Variants in ALG5 observed in about 807,000 individuals in gnomAD.
The protein encoded by ALG5 is dolichyl-phosphate beta-glucosyltransferase.
In ALG5, 26 loss-of-function variants were observed where a neutral mutation model predicts 51.8. That is an observed-to-expected ratio of 0.50 (90% CI 0.37 to 0.70). The LOEUF (loss-of-function observed/expected upper bound fraction) is 0.70, where lower values mean the gene tolerates loss of function less well. Among genes scored for constraint, ALG5 ranks in the 30% least tolerant of loss-of-function variants. The pLI, the probability that ALG5 is intolerant of heterozygous loss-of-function variation, is 0.00. For synonymous variants in ALG5, 141 were observed against 136.1 expected (o/e 1.04, Z -0.25); for missense variants, 311 against 399.3 (o/e 0.78, Z 1.88).
intron 8 of ALG5, among the ~76,000 whole-genome samples, chr13:36,955,909 A>T (rs181753149): frequency 3.3e-5 from 5 of 150,878 alleles, no homozygotes; most frequent in African/African-American, 1.2e-4. Flanking sequence ...AGAAGAAAAC[A>T]TATGGAAAAA....
chr13:36,971,784 C>T (rs2058925004), intron 7 of ALG5, among the ~76,000 whole-genome samples, 193 bp downstream of exon 7: 1 of 147,940 alleles, frequency 6.8e-6, no homozygotes, highest in Non-Finnish European at 1.5e-5. Context: ...CTTGTATATG[C>T]TTAAAAAAAA....
rs769762711 is a variant in ALG5, at chr13:36,950,007, G to T, written c.910C>A (p.Leu304Ile). ...WSWLQMGKDL[L>I]FIRLRYLTGA... ...GTCAAATATCGAAGTCGTATAAAAAGTAGGTCTTTACCCATTTGTAGCCAG... is the reference window on the plus strand; with the variant it reads ...GTCAAATATCGAAGTCGTATAAAAATTAGGTCTTTACCCATTTGTAGCCAG... Residue 304 changes from leucine to isoleucine, a missense_variant, in exon 10 of 10, where the codon CTT (leucine) becomes ATT (isoleucine). Transcript: ENST00000239891. The T allele has an allele frequency of 1.2e-6, 2 of 1,613,302 alleles. No homozygotes were observed. Among genetic ancestry groups the T allele is most frequent in the South Asian group, 1.1e-5 (1 of 90,892 alleles).
Position 36,949,880 on chromosome 13 carries a change from G to A in ALG5, c.*62C>T, listed in dbSNP as rs939674956. ...TATTTCAGCTTTACTTAAAATTTTAGTTTCAAATGAAATGAAATGTGACAC... is the reference window on the plus strand; with the variant it reads ...TATTTCAGCTTTACTTAAAATTTTAATTTCAAATGAAATGAAATGTGACAC... On this transcript the variant is annotated 3_prime_UTR_variant, in exon 10 of 10. Transcript: ENST00000239891. 4 of 1,025,734 alleles carry A rather than the reference G, an allele frequency of 3.9e-6. No homozygotes were observed. In the African/African-American group the frequency reaches 6.5e-5, roughly 17 times the overall value. 63.5% of individuals were successfully genotyped at this position (1,025,734 alleles called of 1,614,324 possible). A position where few individuals can be genotyped will look rare whatever the true frequency, so the allele number is the denominator to read the frequency against.
Position 36,994,292 on chromosome 13 carries a change from C to CA in ALG5, c.286-621dup, listed in dbSNP as rs575371305. Among the ~76,000 whole-genome samples, 10 of 152,202 alleles carry CA rather than the reference C, an allele frequency of 6.6e-5. No homozygotes were observed. In the East Asian group the frequency reaches 1.7e-3, roughly 26 times the overall value. On this transcript the variant is annotated intron_variant, in intron 3 of 9. Coordinates refer to ENST00000239891, the MANE Select transcript of ALG5 (RefSeq NM_013338.5). ...GTGAATCTTCTATTTCCCCTTTATA[C>CA]AAAAAATCTAAAAGCAAAGTAAATC...
At chr13:36,993,764 T>C in intron 3 of ALG5, 92 bp from the exon 4 acceptor site, 5 of 953,526 alleles carry the variant, frequency 5.2e-6, no homozygotes. Flanking sequence ...ACAACTGCTT[T>C]AGTGTTGATA....
chr13:36,992,327 G>A (rs538680068), intron 4 of ALG5, among the ~76,000 whole-genome samples: 38 of 152,280 alleles, frequency 2.5e-4, no homozygotes, highest in African/African-American at 9.1e-4. Flanking sequence ...GAAGAAATGT[G>A]TTCAAAGAAC....
chr13:36,966,536 G>A (rs992016386), intron 7 of ALG5, among the ~76,000 whole-genome samples: 2 of 152,170 alleles, frequency 1.3e-5, no homozygotes, highest in Non-Finnish European at 2.9e-5. Flanking sequence ...TAGAGACAGA[G>A]ACGCCTTCTG....
At position 36,972,050 on chromosome 13, in the gene ALG5, CAG is replaced by C; in HGVS notation, c.562-16_562-15del. 1 of 1,576,504 alleles carries C rather than the reference CAG, an allele frequency of 6.3e-7. No individual in the cohort carries two copies. The highest frequency in any genetic ancestry group is 8.6e-7 in the Non-Finnish European group (1 of 1,158,620). On this transcript the variant is annotated splice_polypyrimidine_tract_variant and intron_variant, in intron 6 of 9. Coordinates refer to ENST00000239891, the MANE Select transcript of ALG5 (RefSeq NM_013338.5). The stretch of plus-strand genomic sequence containing the variant: ...AGCCATTTGATTCTGAGGGAAAAAG[CAG>C]AGATAGTTTTTCAATATTTAAATAT...
chr13:36,979,334 T>C (rs947801925), intron 6 of ALG5, among the ~76,000 whole-genome samples: 4 of 152,140 alleles, frequency 2.6e-5, no homozygotes, highest in Admixed American at 6.6e-5. Context: ...CTCAGAGTTA[T>C]GGTGTCTAAA....
chr13:36,985,204 G>C (rs934961153), intron 6 of ALG5, among the ~76,000 whole-genome samples: 1 of 151,992 alleles, frequency 6.6e-6, no homozygotes, highest in Non-Finnish European at 1.5e-5. Context: ...TGAAGTTATG[G>C]TGTGAAGTTT....
intron 8 of ALG5, among the ~76,000 whole-genome samples, chr13:36,958,665 C>T (rs1400004471): frequency 6.6e-6 from 1 of 152,138 alleles, no homozygotes; most frequent in Non-Finnish European, 1.5e-5. Context: ...AGAGACAGGA[C>T]TAGCTGGATT....
Position 36,995,444 on chromosome 13 carries a change from T to A in ALG5, c.219A>T (p.Ser73=). Residue 73 remains serine, a synonymous_variant, in exon 2 of 10, where the codon TCA becomes TCT. Coordinates refer to ENST00000239891, the MANE Select transcript of ALG5 (RefSeq NM_013338.5). Reference sequence around the variant, plus strand: ...GCTTACACCGTTTTTCTTCATTGTATGAAGGCACAACGACAGAAAGTTGTT... The same window carrying A: ...GCTTACACCGTTTTTCTTCATTGTAAGAAGGCACAACGACAGAAAGTTGTT... The part of the protein sequence containing the change: ...PTKQLSVVVP[S]YNEEKRLPVM... 5 of 1,612,470 alleles carry A rather than the reference T, an allele frequency of 3.1e-6. No individual in the cohort carries two copies. Among genetic ancestry groups the A allele is most frequent in the Middle Eastern group, 1.7e-4 (1 of 6,056 alleles).
chr13:36,972,975 G>C (rs1318525153), intron 6 of ALG5, among the ~76,000 whole-genome samples: 5 of 125,718 alleles, frequency 4.0e-5, no homozygotes, highest in African/African-American at 1.5e-4. Context: ...CTGGGAGACA[G>C]AGCAAGACTC....
chr13:36,993,533 T>C, intron 4 of ALG5, 71 bp downstream of exon 4: 2 of 1,312,934 alleles, frequency 1.5e-6, no homozygotes, highest in East Asian at 4.6e-5. Flanking sequence ...TGAATGAAAG[T>C]GAGATTTCAC....
At position 36,989,362 on chromosome 13, in the gene ALG5, A is replaced by G; in HGVS notation, c.447+122T>C. The G allele has an allele frequency of 4.5e-6, 3 of 672,240 alleles. No individual in the cohort carries two copies. In the South Asian group the frequency reaches 6.3e-5, roughly 14 times the overall value. The allele number at this position is 672,240 out of a possible 1,614,324, so 41.6% of individuals were successfully genotyped here. ...ACTAAAAACATGAAGTTATTATTAA[A>G]ATTATGTTATCACTAACTTGAAATG... On this transcript the variant is annotated intron_variant, in intron 5 of 9. Coordinates refer to ENST00000239891, the MANE Select transcript of ALG5 (RefSeq NM_013338.5).
intron 5 of ALG5, among the ~76,000 whole-genome samples, chr13:36,987,509 G>A (rs552574748): frequency 7.5e-4 from 114 of 152,192 alleles, no homozygotes; most frequent in Non-Finnish European, 1.4e-3. Context: ...TGGCACCACC[G>A]TGCCCGCTAA....
intron 6 of ALG5, among the ~76,000 whole-genome samples, chr13:36,980,332 T>C (rs1234494260): frequency 1.3e-5 from 2 of 152,190 alleles, no homozygotes; most frequent in East Asian, 3.9e-4. Context: ...CCTCCCAGGT[T>C]CTAGTGATTC....
intron 8 of ALG5, among the ~76,000 whole-genome samples, chr13:36,958,995 A>T (rs958275500): frequency 7.5e-5 from 11 of 146,656 alleles, no homozygotes; most frequent in Middle Eastern, 3.5e-3. Flanking sequence ...AAAATAAAAT[A>T]AAAAAAAAAA....
At position 36,977,725 on chromosome 13, in the gene ALG5, T is replaced by C. The variant is rs150933279; in HGVS notation, c.562-5689A>G. ...GAGAATTGCTTGAACTCGGGAAGTG[T>C]AGGTTGCAGTGAGCTGAGATCATGC... is the stretch of plus-strand genomic sequence containing the variant. On this transcript the variant is annotated intron_variant, in intron 6 of 9. Transcript: ENST00000239891. Among the ~76,000 whole-genome samples the C allele has an allele frequency of 1.3e-3, 171 of 128,106 alleles. 1 individual carries two copies. The highest frequency in any genetic ancestry group is 4.9e-3 in the African/African-American group (163 of 33,022). The allele number at this position is 128,106 out of a possible 152,430, so 84.0% of individuals were successfully genotyped here.
Sources: gnomAD v4.1 joint callset for allele counts (sites outside exome capture counted in the v4.1 genomes callset) on GRCh38, gnomAD v4.1.1 for gene constraint, MANE v1.5 for transcripts, NCBI Gene and HGNC (gene_info 2026-07-23, HGNC 2026-07-21) for gene names.